SPTA1: variants seen among roughly 807,000 people sequenced by gnomAD.
SPTA1 encodes the protein spectrin alpha chain, erythrocytic 1.
A neutral mutation model predicts 324.7 loss-of-function variants in SPTA1; 177 were observed. That is an observed-to-expected ratio of 0.55 (90% CI 0.48 to 0.62). SPTA1 has a LOEUF of 0.62. SPTA1 is among the 20% of genes least tolerant of loss of function. The pLI is 0.00. For synonymous variants in SPTA1, 1,195 were observed against 1,041.3 expected (o/e 1.15, Z -2.84); for missense variants, 3,162 against 2,883.6 (o/e 1.10, Z -2.21).
At chr1:158,640,848 C>A (rs1164496328) in intron 33 of SPTA1, among the ~76,000 whole-genome samples, 1 of 152,090 alleles carries the variant, frequency 6.6e-6, no homozygotes, top group Non-Finnish European at 1.5e-5. Context: ...CCTACATTGC[C>A]AAGTCAATCC....
chr1:158,613,285 T>C (rs1416833134), intron 50 of SPTA1, among the ~76,000 whole-genome samples: 1 of 152,134 alleles, frequency 6.6e-6, no homozygotes, highest in Non-Finnish European at 1.5e-5. Context: ...CTGGTCTTCT[T>C]TGGTTTTTAG....
chr1:158,640,053 G>A, intron 33 of SPTA1, 46 bp from the exon 34 acceptor site: 1 of 1,613,376 alleles, frequency 6.2e-7, no homozygotes, highest in Non-Finnish European at 8.5e-7. Context: ...TAGGATCCCG[G>A]GCCCTGTGAC....
At chr1:158,651,880 GCTCT>G (rs60287443) in intron 23 of SPTA1, among the ~76,000 whole-genome samples, 12,105 of 148,986 alleles carry the variant, frequency 0.081, 1,491 homozygotes, top group African/African-American at 0.27. Context: ...TCTAGGGAGT[GCTCT>G]CTCTCTCTCT....
intron 14 of SPTA1, among the ~76,000 whole-genome samples, chr1:158,668,828 CCA>C (rs1315928832): frequency 2.0e-5 from 3 of 152,150 alleles, no homozygotes; most frequent in African/African-American, 7.2e-5. Flanking sequence ...TTTACCTGCT[CCA>C]GAGTTCATGC....
chr1:158,683,599 G>T, intron 2 of SPTA1, 103 bp from the exon 3 acceptor site: 1 of 1,462,828 alleles, frequency 6.8e-7, no homozygotes, highest in Non-Finnish European at 9.5e-7. Flanking sequence ...AAGGGTCCCA[G>T]ACTCAGAGGC....
intron 18 of SPTA1, among the ~76,000 whole-genome samples, chr1:158,660,594 C>T (rs920934056): frequency 2.0e-5 from 3 of 152,108 alleles, no homozygotes; most frequent in Non-Finnish European, 4.4e-5. Context: ...AAAAAACAGG[C>T]GAATTTCTAC....
intron 35 of SPTA1, chr1:158,639,143 T>A (rs1651330417): frequency 5.7e-6 from 1 of 174,048 alleles, no homozygotes. Flanking sequence ...AATTTTTGGT[T>A]GCTATTAGGA....
chr1:158,655,242 C>T (rs531925227), intron 20 of SPTA1, among the ~76,000 whole-genome samples: 1 of 144,966 alleles, frequency 6.9e-6, no homozygotes, highest in Admixed American at 6.7e-5. Flanking sequence ...TATGAGTGAT[C>T]AATAGCACAG....
chr1:158,685,380 T>G, intron 1 of SPTA1, 33 bp from the exon 2 acceptor site: 1 of 1,608,656 alleles, frequency 6.2e-7, no homozygotes, highest in South Asian at 1.1e-5. Context: ...TACTTGCTAG[T>G]TCTCAAATAT....
rs1424474806 is a variant in SPTA1 at position 158,667,844 on chromosome 1, C to A, written c.2038+14G>T. The A allele has an allele frequency of 6.2e-7, 1 of 1,613,274 alleles. No individual in the cohort carries two copies. Among genetic ancestry groups the A allele is most frequent in the Non-Finnish European group, 8.5e-7 (1 of 1,179,666 alleles). ...TTTAGAAAATGACCTTTCACCAAAACCTCTGCTTTTTACCTTTCTGTTTTG... is the reference window on the plus strand; with the variant it reads ...TTTAGAAAATGACCTTTCACCAAAAACTCTGCTTTTTACCTTTCTGTTTTG... On this transcript the variant is annotated intron_variant, in intron 15 of 51. Transcript: ENST00000643759.
chr1:158,638,745 CAAAAAAAAAAA>C (rs34072412), intron 35 of SPTA1, among the ~76,000 whole-genome samples: 4 of 92,192 alleles, frequency 4.3e-5, no homozygotes, highest in South Asian at 4.2e-4. Context: ...GAGCTGGTAC[CAAAAAAAAAAA>C]AAAAAAAAAA....
chr1:158,683,828 T>G (rs1654981928), intron 2 of SPTA1, among the ~76,000 whole-genome samples: 1 of 127,000 alleles, frequency 7.9e-6, no homozygotes, highest in South Asian at 3.3e-4. Flanking sequence ...AAGATGATAG[T>G]TATAATAATG....
chr1:158,652,545 T>C lies in SPTA1; in HGVS notation c.3297A>G (p.Gln1099=), dbSNP rs779670398. Residue 1099 remains glutamine, a synonymous_variant, in exon 23 of 52, where the codon CAA becomes CAG. Transcript: ENST00000643759. ...YEAGDMLEWI[Q]EKKAENTGVE... is the part of the protein sequence containing the mutation. ...CTCCAGTGTTTTCTGCCTTTTTCTC[T>C]TGAATCCATTCCAGCATGTCTCCTG... is the stretch of plus-strand genomic sequence containing the variant. 10 of 1,614,184 alleles carry C rather than the reference T, an allele frequency of 6.2e-6. No homozygotes were observed. The East Asian group carries it at 2.0e-4, about 32-fold the overall frequency.
intron 18 of SPTA1, among the ~76,000 whole-genome samples, chr1:158,659,086 G>A (rs1001846141): frequency 6.6e-6 from 1 of 151,742 alleles, no homozygotes; most frequent in African/African-American, 2.4e-5. Flanking sequence ...GAACTATGAG[G>A]GTGAATTTTT....
chr1:158,639,490 C>T, intron 35 of SPTA1, 92 bp downstream of exon 35: 1 of 1,340,268 alleles, frequency 7.5e-7, no homozygotes, highest in Non-Finnish European at 1.1e-6. Context: ...TTTTGCAAGG[C>T]TATGTTTTCA....
chr1:158,621,891 T>C (rs963633444), intron 43 of SPTA1, among the ~76,000 whole-genome samples: 1 of 152,134 alleles, frequency 6.6e-6, no homozygotes, highest in African/African-American at 2.4e-5. Flanking sequence ...TGAGATGGAG[T>C]CTTGCTCTGT....
intron 43 of SPTA1, chr1:158,620,840 G>GAAAAAAAAAAAAAA (rs200959019): frequency 1.1e-5 from 1 of 89,502 alleles, no homozygotes. Flanking sequence ...TAGTAAACAT[G>GAAAAAAAAAAAAAA]AAAAAAAAAA....
chr1:158,685,432 A>T, intron 1 of SPTA1, 85 bp from the exon 2 acceptor site: 1 of 1,569,910 alleles, frequency 6.4e-7, no homozygotes, highest in Admixed American at 1.7e-5. Context: ...GTGTTTACTC[A>T]TGTTGGACCT....
intron 5 of SPTA1, among the ~76,000 whole-genome samples, 196 bp downstream of exon 5, chr1:158,680,387 C>T (rs752641336): frequency 7.9e-5 from 12 of 152,076 alleles, no homozygotes; most frequent in Non-Finnish European, 1.8e-4. Flanking sequence ...CTCTCTCAAC[C>T]CTCCATTTCA....
Sources: allele counts gnomAD v4.1 joint callset (sites outside exome capture counted in the v4.1 genomes callset), GRCh38; gene constraint gnomAD v4.1.1; transcripts MANE v1.5; gene names NCBI Gene and HGNC (gene_info 2026-07-23, HGNC 2026-07-21).